Variants in PLXNA4 observed in about 807,000 individuals in gnomAD.
PLXNA4 encodes plexin-A4.
PLXNA4 carries 44 observed loss-of-function variants against 191.8 expected under a neutral mutation model. The ratio of observed to expected loss-of-function variants is 0.23; its 90% confidence interval spans 0.18 to 0.29. The LOEUF is 0.29. Among genes scored for constraint, PLXNA4 ranks in the 10% least tolerant of loss-of-function variants. The pLI is 1.00. For synonymous variants in PLXNA4, 1,082 were observed against 1,009.5 expected (o/e 1.07, Z -1.36); for missense variants, 1,800 against 2,488.8 (o/e 0.72, Z 5.89).
Position 132,218,976 on chromosome 7 carries a change from A to T in PLXNA4, c.2097+4551T>A, listed in dbSNP as rs192384318. Among the ~76,000 whole-genome samples the T allele has an allele frequency of 1.2e-3, 180 of 152,292 alleles. 1 individual carries two copies. The highest frequency in any genetic ancestry group is 3.9e-3 in the African/African-American group (161 of 41,552). ...TGAACGCATTCTTTGTTCAGGAAAA[A>T]AAAAAGGTAATTCAATATCCCTGAT... On this transcript the variant is annotated intron_variant, in intron 9 of 31. Coordinates refer to ENST00000321063, the MANE Select transcript of PLXNA4 (RefSeq NM_020911.2).
intron 11 of PLXNA4, 126 bp from the exon 12 acceptor site, chr7:132,202,962 C>G (rs1365206908): frequency 2.0e-6 from 2 of 1,003,648 alleles, no homozygotes; most frequent in South Asian, 3.8e-5. Context: ...GTTTTGCCCC[C>G]TTAGCCATTC....
intron 4 of PLXNA4, among the ~76,000 whole-genome samples, chr7:132,268,161 C>T (rs1437940420): frequency 6.6e-6 from 1 of 152,166 alleles, no homozygotes; most frequent in Non-Finnish European, 1.5e-5. Context: ...CCTCTAGTGC[C>T]ACTCCATGGT....
Position 132,126,372 on chromosome 7 carries a change from C to T in PLXNA4, c.*4107G>A. On this transcript the variant is annotated 3_prime_UTR_variant, in exon 32 of 32. Coordinates refer to ENST00000321063, the MANE Select transcript of PLXNA4 (RefSeq NM_020911.2). ...GCTGGGCTGAGAGGTCTGAGCAGCT[C>T]CTGTACTCAAGTGGATAAATCGCCC... is the stretch of plus-strand genomic sequence containing the variant. 1 of 152,648 alleles carries T rather than the reference C, an allele frequency of 6.6e-6. No individual in the cohort carries two copies. The highest frequency in any genetic ancestry group is 1.5e-5 in the Non-Finnish European group (1 of 68,380). 9.5% of individuals were successfully genotyped at this position (152,648 alleles called of 1,614,324 possible).
chr7:132,497,420 C>A (rs1445276836), intron 2 of PLXNA4, among the ~76,000 whole-genome samples: 1 of 152,132 alleles, frequency 6.6e-6, no homozygotes, highest in African/African-American at 2.4e-5. Flanking sequence ...CGTGTTTACT[C>A]CACAATACCT....
At chr7:132,253,157 C>A (rs910811266) in intron 4 of PLXNA4, among the ~76,000 whole-genome samples, 1 of 151,328 alleles carries the variant, frequency 6.6e-6, no homozygotes, top group African/African-American at 2.4e-5. Flanking sequence ...ATGCTTTAAC[C>A]TTTAGTCTTT....
chr7:132,371,155 A>G (rs1804423486), intron 3 of PLXNA4, among the ~76,000 whole-genome samples: 1 of 152,026 alleles, frequency 6.6e-6, no homozygotes, highest in African/African-American at 2.4e-5. Flanking sequence ...GTGGAGAGGG[A>G]AATGGGGGTG....
At chr7:132,290,288 A>C (rs1800836827) in intron 4 of PLXNA4, among the ~76,000 whole-genome samples, 1 of 152,224 alleles carries the variant, frequency 6.6e-6, no homozygotes, top group South Asian at 2.1e-4. Context: ...TGGTGTGTGG[A>C]GAGGCAGATA....
chr7:132,505,632 C>T lies in PLXNA4; in HGVS notation c.1188+1874G>A, dbSNP rs114157451. ...CTTCAATTGGTGGCTCTGTTACTCA[C>T]TCCTAAGATGTGTGACCTTGGGCAA... On this transcript the variant is annotated intron_variant, in intron 2 of 31. Transcript: ENST00000321063. Among the ~76,000 whole-genome samples the T allele has an allele frequency of 6.6e-3, 1,005 of 152,296 alleles. 12 individuals carry two copies. The highest frequency in any genetic ancestry group is 0.023 in the African/African-American group (955 of 41,544).
chr7:132,586,144 A>G (rs1802500968), intron 2 of PLXNA4, among the ~76,000 whole-genome samples: 1 of 152,236 alleles, frequency 6.6e-6, no homozygotes, highest in East Asian at 1.9e-4. Context: ...TCATTAATGC[A>G]TCAAAGACAA....
intron 3 of PLXNA4, among the ~76,000 whole-genome samples, chr7:132,448,749 T>C (rs1796002152): frequency 6.6e-6 from 1 of 152,240 alleles, no homozygotes; most frequent in African/African-American, 2.4e-5. Flanking sequence ...CTATCATTTC[T>C]CAGAAGCCAT....
intron 3 of PLXNA4, among the ~76,000 whole-genome samples, chr7:132,352,976 C>T (rs1242950574): frequency 6.6e-6 from 1 of 152,076 alleles, no homozygotes; most frequent in Non-Finnish European, 1.5e-5. Context: ...CAAAATATTG[C>T]TCAAACATGA....
At chr7:132,495,152 G>A (rs1235249444) in intron 2 of PLXNA4, among the ~76,000 whole-genome samples, 1 of 152,178 alleles carries the variant, frequency 6.6e-6, no homozygotes, top group Non-Finnish European at 1.5e-5. Context: ...AGCCTGCACA[G>A]CCCCTGGTGT....
chr7:132,355,684 A>C (rs1407409030), intron 3 of PLXNA4, among the ~76,000 whole-genome samples: 1 of 152,156 alleles, frequency 6.6e-6, no homozygotes, highest in Admixed American at 6.5e-5. Context: ...AGCAATTACA[A>C]ATAGGCATAT....
intron 3 of PLXNA4, among the ~76,000 whole-genome samples, chr7:132,325,639 C>T (rs1004368896): frequency 6.6e-6 from 1 of 152,104 alleles, no homozygotes; most frequent in Admixed American, 6.5e-5. Flanking sequence ...CCACTACCAG[C>T]ACAAAGGAGA....
intron 3 of PLXNA4, among the ~76,000 whole-genome samples, chr7:132,486,085 C>A (rs1301446017): frequency 6.6e-6 from 1 of 152,080 alleles, no homozygotes; most frequent in Non-Finnish European, 1.5e-5. Flanking sequence ...CTTGTCATAC[C>A]GTAAAGAACT....
chr7:132,201,320 G>A (rs559288936), intron 12 of PLXNA4, among the ~76,000 whole-genome samples: 47 of 152,126 alleles, frequency 3.1e-4, no homozygotes, highest in Non-Finnish European at 6.2e-4. Flanking sequence ...ACCTTGTGAC[G>A]GCAGCCCTGG....
chr7:132,310,119 A>T (rs1260478304), intron 3 of PLXNA4, among the ~76,000 whole-genome samples: 2 of 152,214 alleles, frequency 1.3e-5, no homozygotes, highest in African/African-American at 2.4e-5. Context: ...TCTATTATAG[A>T]TGTCGTAACC....
At chr7:132,182,237 G>A in intron 16 of PLXNA4, 47 bp from the exon 17 acceptor site, 1 of 1,607,118 alleles carries the variant, frequency 6.2e-7, no homozygotes, top group South Asian at 1.1e-5. Context: ...AGTTCAGGAA[G>A]AGCAATGGCA....
chr7:132,281,036 T>A (rs891527363), intron 4 of PLXNA4, among the ~76,000 whole-genome samples: 2 of 152,186 alleles, frequency 1.3e-5, no homozygotes, highest in Non-Finnish European at 2.9e-5. Context: ...TAAAATAGCA[T>A]CTTGTATTTG....
Sources: gnomAD v4.1 joint callset for allele counts (sites outside exome capture counted in the v4.1 genomes callset) on GRCh38, gnomAD v4.1.1 for gene constraint, MANE v1.5 for transcripts, NCBI Gene and HGNC (gene_info 2026-07-23, HGNC 2026-07-21) for gene names.